NAV1: variants seen among roughly 807,000 people sequenced by gnomAD.
NAV1 encodes the protein neuron navigator 1.
In NAV1, 18 loss-of-function variants were observed where a neutral mutation model predicts 175.2. The observed-to-expected ratio is 0.10, with a 90% CI of 0.07 to 0.15. The LOEUF is 0.15. Among genes scored for constraint, NAV1 ranks in the 10% least tolerant of loss-of-function variants. The pLI, the probability that NAV1 is intolerant of heterozygous loss-of-function variation, is 1.00. For synonymous variants in NAV1, 897 were observed against 978.7 expected (o/e 0.92, Z 1.56); for missense variants, 1,731 against 2,436.6 (o/e 0.71, Z 6.10).
rs1004590426 is a variant in NAV1, at chr1:201,588,562, C to CGGGCT, written c.-117_-113dup. Among the ~76,000 whole-genome samples the CGGGCT allele has an allele frequency of 7.3e-5, 11 of 150,236 alleles. No homozygotes were observed. Among genetic ancestry groups the CGGGCT allele is most frequent in the Admixed American group, 3.3e-4 (5 of 15,076 alleles). Reference sequence around the variant, plus strand: ...AGAGACAGAGTCTTGCTATGTTGCCCGGGCTGGTCTGAACTCCTAGCCTCA... The same window carrying CGGGCT: ...AGAGACAGAGTCTTGCTATGTTGCCCGGGCTGGGCTGGTCTGAACTCCTAGCCTCA... On this transcript the variant is annotated 5_prime_UTR_variant, in exon 2 of 34. An upstream open reading frame in the 5' UTR gains an earlier in-frame stop. Coordinates refer to the NAV1 transcript ENST00000685211.
intron 2 of NAV1, among the ~76,000 whole-genome samples, chr1:201,613,046 G>C (rs1667902376): frequency 6.6e-6 from 1 of 152,138 alleles, no homozygotes; most frequent in African/African-American, 2.4e-5. Context: ...TTGTAAGAAA[G>C]CTTGGAAAGA....
Position 201,694,068 on chromosome 1 carries a change from CA to C in NAV1, c.758-18748del, listed in dbSNP as rs1671080819. Among the ~76,000 whole-genome samples the C allele has an allele frequency of 6.6e-6, 1 of 152,174 alleles. No individual in the cohort carries two copies. The highest frequency in any genetic ancestry group is 6.5e-5 in the Admixed American group (1 of 15,276). On this transcript the variant is annotated intron_variant, in intron 1 of 29. Transcript: ENST00000367296. The surrounding 1 kb of genome is among the most constrained non-coding windows in gnomAD (Gnocchi z 4.2). ...TTCCTGGTGGGGGAGGGGACACACA[CA>C]GACATCAATTCAGTCAAGACTCTGC...
chr1:201,569,591 A>G (rs1359846354), intron 1 of NAV1, among the ~76,000 whole-genome samples: 1 of 152,162 alleles, frequency 6.6e-6, no homozygotes, highest in Non-Finnish European at 1.5e-5. Flanking sequence ...CCAGGTTGTC[A>G]AGGGTATGTC....
At chr1:201,726,014 C>T (rs1225613161) in intron 3 of NAV1, among the ~76,000 whole-genome samples, 1 of 152,144 alleles carries the variant, frequency 6.6e-6, no homozygotes, top group Non-Finnish European at 1.5e-5. Flanking sequence ...CTTATTGGGT[C>T]CACAGTAAAG....
At chr1:201,747,933 G>T (rs1370320015) in intron 3 of NAV1, among the ~76,000 whole-genome samples, 1 of 152,156 alleles carries the variant, frequency 6.6e-6, no homozygotes, top group African/African-American at 2.4e-5. Flanking sequence ...AGAACCCAGA[G>T]CTCCTTACGT....
chr1:201,709,137 C>T (rs1263650874), intron 1 of NAV1, among the ~76,000 whole-genome samples: 3 of 137,002 alleles, frequency 2.2e-5, no homozygotes, highest in Admixed American at 1.5e-4. Flanking sequence ...AGAGTAAGAC[C>T]CTGTCTCCAA....
At chr1:201,693,585 G>A (rs561992697) in intron 1 of NAV1, among the ~76,000 whole-genome samples, 1 of 152,194 alleles carries the variant, frequency 6.6e-6, no homozygotes, top group African/African-American at 2.4e-5. Context: ...GAGATCAAAT[G>A]TTCCAGAGCT....
chr1:201,666,739 G>T (rs1275041812), intron 1 of NAV1, among the ~76,000 whole-genome samples: 1 of 152,134 alleles, frequency 6.6e-6, no homozygotes, highest in Non-Finnish European at 1.5e-5. Flanking sequence ...TTTCTCCTGG[G>T]TGGGAGCGGC....
chr1:201,563,958 A>T (rs774144507), intron 1 of NAV1, among the ~76,000 whole-genome samples: 1 of 152,014 alleles, frequency 6.6e-6, no homozygotes, highest in East Asian at 1.9e-4. Flanking sequence ...TTAGCCAGGC[A>T]TGGTAGTGTG....
chr1:201,707,234 C>T (rs1222239085), intron 1 of NAV1, among the ~76,000 whole-genome samples: 2 of 152,164 alleles, frequency 1.3e-5, no homozygotes. Context: ...GGGGTGTGCA[C>T]CACGCCCATC....
exon 30 of NAV1, chr1:201,826,572 G>C (rs1679686761): frequency 6.6e-6 from 1 of 152,076 alleles, no homozygotes; most frequent in Admixed American, 6.5e-5. Flanking sequence ...AGAAGTTTTT[G>C]CAACACTTTT....
chr1:201,578,207 A>C (rs1219347789), intron 1 of NAV1, among the ~76,000 whole-genome samples: 2 of 152,056 alleles, frequency 1.3e-5, no homozygotes, highest in Non-Finnish European at 2.9e-5. Context: ...TCTGTTGTTC[A>C]TATTGGTTAA....
intron 3 of NAV1, among the ~76,000 whole-genome samples, chr1:201,756,062 G>A (rs927027532): frequency 1.3e-5 from 2 of 149,300 alleles, no homozygotes; most frequent in Non-Finnish European, 3.0e-5. Context: ...AGCTGAGGTT[G>A]CGCCATTGCA....
chr1:201,604,451 G>A (rs1667613350), intron 2 of NAV1, among the ~76,000 whole-genome samples: 1 of 152,170 alleles, frequency 6.6e-6, no homozygotes, highest in Non-Finnish European at 1.5e-5. Context: ...GGCCGAGGTG[G>A]ATAGTAGATC....
At chr1:201,692,269 G>A (rs992923510) in intron 1 of NAV1, among the ~76,000 whole-genome samples, 1 of 152,172 alleles carries the variant, frequency 6.6e-6, no homozygotes, top group Admixed American at 6.5e-5. Flanking sequence ...GCTGCTGTAG[G>A]GCAGAGCAGT....
At chr1:201,547,181 G>C (rs988405265) in intron 1 of NAV1, among the ~76,000 whole-genome samples, 1 of 151,870 alleles carries the variant, frequency 6.6e-6, no homozygotes, top group Non-Finnish European at 1.5e-5. Flanking sequence ...TAGAGACGGG[G>C]TTTCTCCATG....
intron 1 of NAV1, among the ~76,000 whole-genome samples, chr1:201,659,889 C>G (rs985506189): frequency 6.6e-6 from 1 of 152,212 alleles, no homozygotes; most frequent in African/African-American, 2.4e-5. Flanking sequence ...ATGCCACTGG[C>G]TGTTCCAGTT....
upstream of NAV1, chr1:201,622,912 G>C (rs1200393890): frequency 2.0e-6 from 2 of 986,038 alleles, no homozygotes; most frequent in Admixed American, 6.2e-5. Flanking sequence ...TGTGAATCCC[G>C]CCAGCCGCCC....
At chr1:201,758,743 C>G (rs921508395) in intron 3 of NAV1, among the ~76,000 whole-genome samples, 4 of 152,164 alleles carry the variant, frequency 2.6e-5, no homozygotes, top group Admixed American at 6.5e-5. Context: ...CATATGGTCC[C>G]CAAGTGATCT....
Sources: allele counts gnomAD v4.1 joint callset (sites outside exome capture counted in the v4.1 genomes callset), GRCh38; gene constraint gnomAD v4.1.1; non-coding constraint Gnocchi (gnomAD v3.1); transcripts MANE v1.5; gene names NCBI Gene and HGNC (gene_info 2026-07-23, HGNC 2026-07-21).